TAX1BP1: variants seen among roughly 807,000 people sequenced by gnomAD.
The protein encoded by TAX1BP1 is tax1-binding protein 1.
TAX1BP1 carries 62 observed loss-of-function variants against 97.7 expected under a neutral mutation model. That is an observed-to-expected ratio of 0.63 (90% CI 0.52 to 0.78). The LOEUF is 0.78. TAX1BP1 is among the 30% of genes least tolerant of loss of function. The pLI is 0.00. For synonymous variants in TAX1BP1, 340 were observed against 304.2 expected (o/e 1.12, Z -1.23); for missense variants, 867 against 916.1 (o/e 0.95, Z 0.69).
At chr7:27,815,653 A>G (rs1304035424) in intron 13 of TAX1BP1, among the ~76,000 whole-genome samples, 2 of 152,178 alleles carry the variant, frequency 1.3e-5, no homozygotes, top group Admixed American at 6.5e-5. Context: ...CAAGTTAGGA[A>G]ATGTTTCTTT....
At chr7:27,784,745 C>A (rs1199689150) in intron 5 of TAX1BP1, among the ~76,000 whole-genome samples, 1 of 151,868 alleles carries the variant, frequency 6.6e-6, no homozygotes, top group Non-Finnish European at 1.5e-5. Context: ...AGTCCCAGCA[C>A]TTTTGGAGGC....
intron 2 of TAX1BP1, among the ~76,000 whole-genome samples, chr7:27,751,859 C>T (rs1306485069): frequency 3.9e-5 from 6 of 151,952 alleles, no homozygotes; most frequent in Non-Finnish European, 7.4e-5. Flanking sequence ...TGCCATGTTG[C>T]CCGGGCTGGT....
chr7:27,796,656 G>A (rs952624918), intron 12 of TAX1BP1, among the ~76,000 whole-genome samples: 3 of 152,118 alleles, frequency 2.0e-5, no homozygotes, highest in Non-Finnish European at 4.4e-5. Context: ...GAGGCCAGGA[G>A]TTCGAGACCA....
chr7:27,743,573 C>G (rs1018137837), intron 1 of TAX1BP1, among the ~76,000 whole-genome samples: 1 of 152,112 alleles, frequency 6.6e-6, no homozygotes, highest in African/African-American at 2.4e-5. Flanking sequence ...TAATCTGTTT[C>G]ATTTCTTTAT....
intron 3 of TAX1BP1, among the ~76,000 whole-genome samples, chr7:27,765,223 C>T (rs1788588049): frequency 6.6e-6 from 1 of 150,750 alleles, no homozygotes; most frequent in Non-Finnish European, 1.5e-5. Flanking sequence ...ACCATGTTGG[C>T]CAGGCTGGTC....
intron 5 of TAX1BP1, among the ~76,000 whole-genome samples, chr7:27,779,448 T>G (rs1419411583): frequency 2.0e-5 from 3 of 152,238 alleles, no homozygotes; most frequent in Non-Finnish European, 4.4e-5. Flanking sequence ...TGAACTAGCT[T>G]TGTAATTTCC....
chr7:27,805,605 G>C (rs975748439), intron 13 of TAX1BP1, among the ~76,000 whole-genome samples: 6 of 152,304 alleles, frequency 3.9e-5, no homozygotes, highest in South Asian at 2.1e-4. Context: ...GGGAGGCTGA[G>C]GCTTGTGGAT....
intron 5 of TAX1BP1, among the ~76,000 whole-genome samples, chr7:27,774,386 A>G (rs1490876310): frequency 6.6e-6 from 1 of 152,120 alleles, no homozygotes; most frequent in Non-Finnish European, 1.5e-5. Context: ...CGTCTAGTTA[A>G]CAAGTGGCAA....
chr7:27,799,427 A>G lies in TAX1BP1; in HGVS notation c.1639-538A>G, dbSNP rs907472901. On this transcript the variant is annotated intron_variant, in intron 12 of 16. Transcript: ENST00000396319. ...AAAATTATCTTGGTCAGCAAATCCT[A>G]GAGTTTATCACTGCATGGAAACAAC... is the stretch of plus-strand genomic sequence containing the variant. 7.9e-5 allele frequency among the ~76,000 whole-genome samples: 12 copies of G among 152,314 alleles called. 1 individual carries two copies. The highest frequency in any genetic ancestry group is 2.2e-4 in the African/African-American group (9 of 41,578).
At chr7:27,785,368 T>G in intron 6 of TAX1BP1, 31 bp from the exon 7 acceptor site, 4 of 1,598,388 alleles carry the variant, frequency 2.5e-6, no homozygotes, top group Non-Finnish European at 3.4e-6. Flanking sequence ...CTTTAAAACA[T>G]TATAATGTTA....
intron 15 of TAX1BP1, among the ~76,000 whole-genome samples, chr7:27,821,263 A>AT (rs1378939940): frequency 6.6e-6 from 1 of 152,218 alleles, no homozygotes; most frequent in Non-Finnish European, 1.5e-5. Context: ...TTAAAATGTT[A>AT]TTAATGAGTT....
At chr7:27,785,645 A>T (rs1789451886) in intron 7 of TAX1BP1, among the ~76,000 whole-genome samples, 156 bp downstream of exon 7, 1 of 152,196 alleles carries the variant, frequency 6.6e-6, no homozygotes, top group South Asian at 2.1e-4. Flanking sequence ...CAAGGGGTGC[A>T]GTCAGCTAAG....
chr7:27,789,072 A>G (rs981472646), intron 8 of TAX1BP1, among the ~76,000 whole-genome samples: 35 of 152,046 alleles, frequency 2.3e-4, no homozygotes, highest in Admixed American at 2.6e-4. Flanking sequence ...CCAGCCGTAC[A>G]CACCAGTGTT....
intron 13 of TAX1BP1, among the ~76,000 whole-genome samples, chr7:27,804,015 T>G (rs1790243014): frequency 6.6e-6 from 1 of 152,230 alleles, no homozygotes; most frequent in Non-Finnish European, 1.5e-5. Context: ...TTGATAATTT[T>G]TTTTGCCATT....
At chr7:27,774,738 C>A (rs902040859) in intron 5 of TAX1BP1, among the ~76,000 whole-genome samples, 1 of 151,862 alleles carries the variant, frequency 6.6e-6, no homozygotes, top group African/African-American at 2.4e-5. Flanking sequence ...TTTTCTGTGG[C>A]CTTCCAGTTC....
At chr7:27,763,108 C>T (rs905351133) in intron 3 of TAX1BP1, among the ~76,000 whole-genome samples, 1 of 152,176 alleles carries the variant, frequency 6.6e-6, no homozygotes, top group Non-Finnish European at 1.5e-5. Context: ...AAAGCTTAGT[C>T]ATTGAATATT....
chr7:27,782,635 A>G (rs546173126), intron 5 of TAX1BP1, among the ~76,000 whole-genome samples: 2 of 152,304 alleles, frequency 1.3e-5, no homozygotes, highest in South Asian at 2.1e-4. Context: ...ACTTGGTATT[A>G]TAGTTGATTT....
At chr7:27,769,524 A>G in intron 4 of TAX1BP1, 152 bp from the exon 5 acceptor site, 1 of 587,158 alleles carries the variant, frequency 1.7e-6, no homozygotes, top group Non-Finnish European at 2.8e-6. Context: ...CTGAAGGCTA[A>G]AAAAAGGCTG....
chr7:27,774,701 TG>T (rs943827066), intron 5 of TAX1BP1, among the ~76,000 whole-genome samples: 1 of 152,140 alleles, frequency 6.6e-6, no homozygotes, highest in African/African-American at 2.4e-5. Context: ...CTATTTACAA[TG>T]TTTTCTTTTT....
Sources: gnomAD v4.1 joint callset for allele counts (sites outside exome capture counted in the v4.1 genomes callset) on GRCh38, gnomAD v4.1.1 for gene constraint, MANE v1.5 for transcripts, NCBI Gene and HGNC (gene_info 2026-07-23, HGNC 2026-07-21) for gene names.